The following NRG1 variants were observed in gnomAD, a reference collection of about 807,000 sequenced individuals.
NRG1 encodes pro-neuregulin-1, membrane-bound isoform.
A neutral mutation model predicts 63.8 loss-of-function variants in NRG1; 18 were observed. The observed-to-expected ratio is 0.28, with a 90% CI of 0.19 to 0.42. NRG1 has a LOEUF of 0.42. Among genes scored for constraint, NRG1 ranks in the 10% least tolerant of loss-of-function variants. The pLI, the probability that NRG1 is intolerant of heterozygous loss-of-function variation, is 1.00. For synonymous variants in NRG1, 302 were observed against 301.3 expected, an observed-to-expected ratio of 1.00 and a Z score of -0.02; for missense variants, 762 against 814.7, an observed-to-expected ratio of 0.94 and a Z score of 0.79.
chr8:32,157,046 A>T (rs910730064), intron 1 of NRG1, among the ~76,000 whole-genome samples: 1 of 119,380 alleles, frequency 8.4e-6, no homozygotes, highest in Non-Finnish European at 1.7e-5. Context: ...TCAAATTAAA[A>T]CTCGTGTGTG....
intron 5 of NRG1, among the ~76,000 whole-genome samples, chr8:32,708,927 A>G (rs1024812554): frequency 6.6e-6 from 1 of 152,192 alleles, no homozygotes; most frequent in Non-Finnish European, 1.5e-5. Context: ...AACCGCATTA[A>G]CTGCAATATG....
At chr8:32,238,408 T>C (rs1159190640) in intron 1 of NRG1, among the ~76,000 whole-genome samples, 1 of 151,150 alleles carries the variant, frequency 6.6e-6, no homozygotes, top group Non-Finnish European at 1.5e-5. Context: ...TGAGCCAAGA[T>C]TGTCCAGCCT....
chr8:32,481,775 G>T (rs1229251080), intron 1 of NRG1, among the ~76,000 whole-genome samples: 1 of 152,208 alleles, frequency 6.6e-6, no homozygotes, highest in East Asian at 1.9e-4. Context: ...TTCCGAAGGT[G>T]CTGGGCCTTC....
chr8:31,782,304 A>C (rs1819765046), intron 1 of NRG1, among the ~76,000 whole-genome samples: 1 of 151,830 alleles, frequency 6.6e-6, no homozygotes, highest in African/African-American at 2.4e-5. Context: ...CTTCCTTCAG[A>C]TTTTCGCTCA....
At chr8:31,718,025 C>T (rs1050093595) in intron 1 of NRG1, among the ~76,000 whole-genome samples, 1 of 152,168 alleles carries the variant, frequency 6.6e-6, no homozygotes, top group African/African-American at 2.4e-5. Context: ...CTTTTTCTAT[C>T]AGTCAGAGAC....
rs1586209657 is a variant in NRG1 at position 31,760,995 on chromosome 8, A to G, written c.37+121564A>G. Among the ~76,000 whole-genome samples, 3 of 152,324 alleles carry G rather than the reference A, an allele frequency of 2.0e-5. No homozygotes were observed. In the Middle Eastern group the frequency reaches 0.01, roughly 518 times the overall value. On this transcript the variant is annotated intron_variant, in intron 1 of 10. Transcript: ENST00000519301. ...GTAAATCATGCTGCTATAAAGACAC[A>G]TGCACACGTATGTTTATTGCGGCAC...
chr8:32,644,396 C>A (rs868461483), intron 5 of NRG1, among the ~76,000 whole-genome samples: 1 of 152,202 alleles, frequency 6.6e-6, no homozygotes, highest in African/African-American at 2.4e-5. Flanking sequence ...CCCATTCACA[C>A]TTTCCTTTCT....
intron 1 of NRG1, among the ~76,000 whole-genome samples, chr8:32,515,672 C>G (rs773637673): frequency 4.6e-5 from 7 of 152,122 alleles, no homozygotes; most frequent in African/African-American, 9.7e-5. Flanking sequence ...AACTTCTGAG[C>G]TCAATGATCC....
chr8:32,093,557 A>G (rs903293196), intron 1 of NRG1, among the ~76,000 whole-genome samples: 1 of 152,174 alleles, frequency 6.6e-6, no homozygotes, highest in African/African-American at 2.4e-5. Context: ...TTTTCACTAT[A>G]TAGGAACCGA....
intron 5 of NRG1, among the ~76,000 whole-genome samples, chr8:32,714,793 T>C (rs972450219): frequency 3.9e-5 from 6 of 152,010 alleles, no homozygotes; most frequent in Non-Finnish European, 8.8e-5. Flanking sequence ...AACACACACA[T>C]GCACACTCAC....
intron 5 of NRG1, among the ~76,000 whole-genome samples, chr8:32,656,927 G>A (rs75320481): frequency 0.013 from 1,911 of 152,048 alleles, 40 homozygotes; most frequent in African/African-American, 0.044. Context: ...TCAGTGATAG[G>A]CACTTAGTGT....
intron 1 of NRG1, among the ~76,000 whole-genome samples, chr8:31,900,648 T>C (rs563306199): frequency 1.3e-5 from 2 of 152,178 alleles, no homozygotes; most frequent in South Asian, 4.1e-4. Flanking sequence ...AAGAAACAGA[T>C]GTCATCTTCT....
At chr8:32,352,050 T>C (rs1428430707) in intron 1 of NRG1, among the ~76,000 whole-genome samples, 3 of 151,968 alleles carry the variant, frequency 2.0e-5, no homozygotes, top group Non-Finnish European at 4.4e-5. Flanking sequence ...GTCATCCAGC[T>C]TCAATCTCTA....
intron 1 of NRG1, among the ~76,000 whole-genome samples, chr8:31,741,921 G>GA (rs1030874677): frequency 3.3e-5 from 5 of 151,752 alleles, no homozygotes; most frequent in Non-Finnish European, 5.9e-5. Context: ...GCAAAAAACT[G>GA]AAAAAAACTG....
intron 1 of NRG1, among the ~76,000 whole-genome samples, chr8:31,960,746 G>C (rs571956442): frequency 3.3e-5 from 5 of 152,356 alleles, no homozygotes; most frequent in African/African-American, 9.6e-5. Context: ...CTCAGCCCCA[G>C]ACACCTGGGA....
intron 1 of NRG1, among the ~76,000 whole-genome samples, chr8:32,167,532 G>A (rs1267849407): frequency 3.9e-5 from 6 of 152,138 alleles, no homozygotes; most frequent in African/African-American, 1.4e-4. Context: ...TCCACTGGTT[G>A]ATATTCTTCC....
intron 5 of NRG1, among the ~76,000 whole-genome samples, chr8:32,642,821 A>G (rs191240793): frequency 8.7e-4 from 132 of 151,116 alleles, no homozygotes; most frequent in African/African-American, 3.2e-3. Context: ...TTATATTGCC[A>G]AGATACAGGA....
intron 1 of NRG1, among the ~76,000 whole-genome samples, chr8:32,254,040 CT>C (rs1849411715): frequency 6.6e-6 from 1 of 152,062 alleles, no homozygotes; most frequent in Admixed American, 6.6e-5. Context: ...GTGATATCCC[CT>C]TCATCATTTT....
At chr8:31,698,750 A>G (rs1810337043) in intron 1 of NRG1, among the ~76,000 whole-genome samples, 1 of 152,242 alleles carries the variant, frequency 6.6e-6, no homozygotes, top group Non-Finnish European at 1.5e-5. Context: ...CAGCATATCA[A>G]CTAAAGATGA....
Sources: gnomAD v4.1 joint callset for allele counts (sites outside exome capture counted in the v4.1 genomes callset) on GRCh38, gnomAD v4.1.1 for gene constraint, MANE v1.5 for transcripts, NCBI Gene and HGNC (gene_info 2026-07-23, HGNC 2026-07-21) for gene names.